SYBU: variants seen among roughly 807,000 people sequenced by gnomAD.
SYBU encodes GOLSYN A protein.
SYBU carries 21 observed loss-of-function variants against 35.9 expected under a neutral mutation model. That is an observed-to-expected ratio of 0.58 (90% CI 0.41 to 0.84). The LOEUF (loss-of-function observed/expected upper bound fraction) is 0.84, where lower values mean the gene tolerates loss of function less well. Ranked by LOEUF, SYBU falls within the 40% of genes least tolerant of loss-of-function variation. SYBU has a pLI of 0.00. For synonymous variants in SYBU, 319 were observed against 324.3 expected, an observed-to-expected ratio of 0.98 and a Z score of 0.18; for missense variants, 768 against 848.2, an observed-to-expected ratio of 0.91 and a Z score of 1.17.
chr8:109,627,688 C>T (rs1813140026), intron 2 of SYBU, among the ~76,000 whole-genome samples: 1 of 152,022 alleles, frequency 6.6e-6, no homozygotes, highest in Admixed American at 6.6e-5. Flanking sequence ...TATGTTTGTT[C>T]CAAGAGGAAA....
At position 109,575,976 on chromosome 8, in the gene SYBU, G is replaced by C; in HGVS notation, c.922C>G (p.Arg308Gly). The change falls in exon 7 of 7, where the codon CGC (arginine) becomes GGC (glycine). Residue 308 changes from arginine (R) to glycine (G), a missense_variant. By Grantham distance (125) the Arg-to-Gly change is moderately radical. Coordinates refer to ENST00000276646, the MANE Select transcript of SYBU (RefSeq NM_001099754.2). Reference protein sequence around the residue: ...EIVELKSQLARMREDWIEEEC... With the variant: ...EIVELKSQLAGMREDWIEEEC... ...TCCTCAATCCAGTCCTCTCGCATGC[G>C]GGCCAGCTGGGACTTAAGCTCCACG... is the stretch of plus-strand genomic sequence containing the variant. The C allele has an allele frequency of 5.6e-6, 9 of 1,608,436 alleles. No individual in the cohort carries two copies. The highest frequency in any genetic ancestry group is 7.6e-6 in the Non-Finnish European group (9 of 1,179,712).
At chr8:109,635,199 A>T (rs1814084673) in intron 2 of SYBU, among the ~76,000 whole-genome samples, 1 of 152,238 alleles carries the variant, frequency 6.6e-6, no homozygotes, top group Non-Finnish European at 1.5e-5. Flanking sequence ...TTTCTGCTGA[A>T]GATGACTGAT....
intron 1 of SYBU, among the ~76,000 whole-genome samples, chr8:109,670,835 T>G (rs1408468394): frequency 6.6e-6 from 1 of 152,152 alleles, no homozygotes; most frequent in Non-Finnish European, 1.5e-5. Context: ...GAGTATAATT[T>G]AATTGTTTTC....
chr8:109,618,168 A>G (rs921335519), intron 3 of SYBU, among the ~76,000 whole-genome samples: 2 of 152,240 alleles, frequency 1.3e-5, no homozygotes, highest in Non-Finnish European at 2.9e-5. Context: ...ACATCCTTTT[A>G]CTTTAAAGTA....
intron 1 of SYBU, among the ~76,000 whole-genome samples, chr8:109,664,322 G>C (rs551612938): frequency 2.0e-5 from 3 of 152,106 alleles, no homozygotes; most frequent in East Asian, 3.9e-4. Flanking sequence ...ATGAGCCTGG[G>C]ATATATAGAA....
In SYBU at chr8:109,574,763, A is replaced by C; in HGVS notation, c.*143T>G. ...ATACCTCCGGTTTTAAACAGTGAAC[A>C]GGCTTCAACTAAATATAGTGCAAAT... On this transcript the variant is annotated 3_prime_UTR_variant, in exon 7 of 7. Transcript: ENST00000276646. The C allele has an allele frequency of 2.3e-6, 2 of 873,978 alleles. No individual in the cohort carries two copies. Among genetic ancestry groups the C allele is most frequent in the Non-Finnish European group, 3.3e-6 (2 of 607,000 alleles). 54.1% of individuals were successfully genotyped at this position (873,978 alleles called of 1,614,324 possible). A position where few individuals can be genotyped will look rare whatever the true frequency, so the allele number is the denominator to read the frequency against.
intron 1 of SYBU, among the ~76,000 whole-genome samples, chr8:109,688,030 C>A (rs927594261): frequency 6.6e-5 from 10 of 152,118 alleles, no homozygotes; most frequent in African/African-American, 2.4e-4. Context: ...ATCATCAGGT[C>A]CTGGAGCACC....
At chr8:109,633,443 G>C (rs1813856648) in intron 2 of SYBU, among the ~76,000 whole-genome samples, 1 of 152,218 alleles carries the variant, frequency 6.6e-6, no homozygotes, top group African/African-American at 2.4e-5. Context: ...CTGTACATTT[G>C]AAAACTTGGT....
intron 5 of SYBU, among the ~76,000 whole-genome samples, chr8:109,578,466 AGG>A (rs1282002026): frequency 6.6e-6 from 1 of 152,218 alleles, no homozygotes; most frequent in Admixed American, 6.5e-5. Flanking sequence ...CAGCTTGAGA[AGG>A]AATGGTAGCT....
chr8:109,674,689 T>C (rs1817119271), intron 1 of SYBU, among the ~76,000 whole-genome samples: 1 of 152,136 alleles, frequency 6.6e-6, no homozygotes, highest in Non-Finnish European at 1.5e-5. Flanking sequence ...CACACAATAA[T>C]AGTGGGAGAC....
chr8:109,627,053 T>TAA (rs1284522203), intron 2 of SYBU, among the ~76,000 whole-genome samples: 2 of 126,994 alleles, frequency 1.6e-5, no homozygotes, highest in African/African-American at 7.9e-5. Flanking sequence ...AGAAGACACT[T>TAA]AAAAACATTA....
chr8:109,629,432 G>T lies in SYBU; in HGVS notation c.230-10393C>A, dbSNP rs114532849. Among the ~76,000 whole-genome samples, 622 of 152,250 alleles carry T rather than the reference G, an allele frequency of 4.1e-3. 6 individuals are homozygous for T. The highest frequency in any genetic ancestry group is 0.015 in the African/African-American group (604 of 41,546). ...ACTGTTGTCATCCTGATTGGCAGGG[G>T]TCATACAAAACTGGCACTAGTGTTT... is the stretch of plus-strand genomic sequence containing the variant. On this transcript the variant is annotated intron_variant, in intron 2 of 6. Transcript: ENST00000276646.
At chr8:109,689,854 A>AAAC (rs1286570525) in intron 1 of SYBU, among the ~76,000 whole-genome samples, 2 of 143,400 alleles carry the variant, frequency 1.4e-5, no homozygotes, top group Non-Finnish European at 1.5e-5. Flanking sequence ...AAAAAAAAAA[A>AAAC]ACCATGACTA....
chr8:109,596,702 T>C (rs1824921977), intron 3 of SYBU, among the ~76,000 whole-genome samples: 1 of 152,210 alleles, frequency 6.6e-6, no homozygotes, highest in South Asian at 2.1e-4. Flanking sequence ...TACATAATAT[T>C]AGAGTGTGTG....
chr8:109,662,766 C>G (rs533184919), intron 1 of SYBU, among the ~76,000 whole-genome samples: 1 of 152,272 alleles, frequency 6.6e-6, no homozygotes, highest in East Asian at 1.9e-4. Context: ...TTCCAGCTTG[C>G]CTTCTGTTGC....
chr8:109,592,469 A>C (rs1200412822), intron 3 of SYBU, among the ~76,000 whole-genome samples: 1 of 152,170 alleles, frequency 6.6e-6, no homozygotes, highest in Non-Finnish European at 1.5e-5. Context: ...TGCAGCTCTC[A>C]TCTTTGCAGG....
chr8:109,679,482 C>G (rs1365642411), intron 1 of SYBU, among the ~76,000 whole-genome samples: 3 of 152,190 alleles, frequency 2.0e-5, no homozygotes, highest in Non-Finnish European at 2.9e-5. Flanking sequence ...GATCGGGACC[C>G]CTTTCTGGTA....
intron 1 of SYBU, among the ~76,000 whole-genome samples, chr8:109,674,586 A>T (rs1396045674): frequency 1.3e-5 from 2 of 152,212 alleles, no homozygotes; most frequent in African/African-American, 4.8e-5. Flanking sequence ...AACATACCAA[A>T]TTGTAAAGAA....
chr8:109,585,178 A>G (rs1225571544), intron 4 of SYBU, among the ~76,000 whole-genome samples: 1 of 152,230 alleles, frequency 6.6e-6, no homozygotes, highest in East Asian at 1.9e-4. Context: ...AATACTTGTT[A>G]AATGAATAAA....
Sources: gnomAD v4.1 joint callset for allele counts (sites outside exome capture counted in the v4.1 genomes callset) on GRCh38, gnomAD v4.1.1 for gene constraint, MANE v1.5 for transcripts, NCBI Gene and HGNC (gene_info 2026-07-23, HGNC 2026-07-21) for gene names.